SYNPR: variants seen among roughly 807,000 people sequenced by gnomAD.
The protein encoded by SYNPR is synaptoporin.
In SYNPR, 23 loss-of-function variants were observed where a neutral mutation model predicts 32.9. The observed-to-expected ratio is 0.70, with a 90% confidence interval of 0.50 to 0.99. The LOEUF (loss-of-function observed/expected upper bound fraction) is 0.99. SYNPR is among the 50% of genes least tolerant of loss of function. SYNPR has a pLI of 0.00. For synonymous variants in SYNPR, 146 were observed against 135.9 expected, an observed-to-expected ratio of 1.07 and a Z score of -0.52; for missense variants, 318 against 349.3, an observed-to-expected ratio of 0.91 and a Z score of 0.71.
At chr3:63,452,181 A>G (rs1176968285) in intron 2 of SYNPR, 1 of 684,678 alleles carries the variant, frequency 1.5e-6, no homozygotes, top group Non-Finnish European at 2.7e-6. Context: ...TGTGCATTCT[A>G]TGTAATACTG....
chr3:63,608,156 C>T (rs1404148296), intron 4 of SYNPR, among the ~76,000 whole-genome samples: 1 of 152,082 alleles, frequency 6.6e-6, no homozygotes, highest in Non-Finnish European at 1.5e-5. Flanking sequence ...GACAGTCTCT[C>T]CTGCCTGCCA....
chr3:63,441,701 G>A (rs551582961), intron 2 of SYNPR, among the ~76,000 whole-genome samples: 1 of 152,318 alleles, frequency 6.6e-6, no homozygotes, highest in East Asian at 1.9e-4. Context: ...GGAGTGGGGA[G>A]GAAAAGGTTC....
intron 4 of SYNPR, among the ~76,000 whole-genome samples, chr3:63,583,678 G>A (rs1703132233): frequency 6.6e-6 from 1 of 152,030 alleles, no homozygotes; most frequent in Non-Finnish European, 1.5e-5. Context: ...TAATGTAGGC[G>A]GAGATGAGTT....
At position 63,609,276 on chromosome 3, in the gene SYNPR, C is replaced by T. The variant is rs778006944; in HGVS notation, c.560C>T (p.Ala187Val). ...ACKQPSNKCM[A>V]IHSPVMSSLN... Reference sequence around the variant, plus strand: ...AAACAGCCATCCAACAAATGCATGGCTATCCACAGCCCTGTTATGTCAAGC... The same window carrying T: ...AAACAGCCATCCAACAAATGCATGGTTATCCACAGCCCTGTTATGTCAAGC... Residue 187 changes from alanine (A) to valine (V), a missense_variant, in exon 5 of 6, where the codon GCT becomes GTT. By Grantham distance (64) the Ala-to-Val change is moderately conservative. Transcript: ENST00000478300. 3 of 1,601,970 alleles carry T rather than the reference C, an allele frequency of 1.9e-6. No individual in the cohort carries two copies. The highest frequency in any genetic ancestry group is 4.5e-5 in the East Asian group (2 of 44,584).
intron 3 of SYNPR, among the ~76,000 whole-genome samples, chr3:63,539,842 C>T (rs1702268523): frequency 6.6e-6 from 1 of 152,070 alleles, no homozygotes; most frequent in African/African-American, 2.4e-5. Context: ...TGGAACACAC[C>T]CAAGAATCCC....
intron 2 of SYNPR, among the ~76,000 whole-genome samples, chr3:63,365,298 G>T (rs2087717508): frequency 6.6e-6 from 1 of 152,166 alleles, no homozygotes; most frequent in African/African-American, 2.4e-5. Flanking sequence ...CAAACTTGAA[G>T]GTATTTAAGT....
At chr3:63,462,757 T>C (rs577510919) in intron 2 of SYNPR, among the ~76,000 whole-genome samples, 9 of 152,238 alleles carry the variant, frequency 5.9e-5, no homozygotes, top group Admixed American at 5.2e-4. Flanking sequence ...GACTGGAAAA[T>C]TGTTATTTGC....
intron 3 of SYNPR, among the ~76,000 whole-genome samples, chr3:63,270,257 A>T (rs2086523263): frequency 6.6e-6 from 1 of 152,196 alleles, no homozygotes; most frequent in Admixed American, 6.6e-5. Flanking sequence ...ACCAGACATG[A>T]CTTTCATCTT....
At chr3:63,209,680 G>A in the SYNPR span, among the ~76,000 whole-genome samples, 1 of 151,972 alleles carries the variant, frequency 6.6e-6, no homozygotes, top group African/African-American at 2.4e-5. Flanking sequence ...TATTTACCTC[G>A]TTAATTTTTC....
chr3:63,354,843 T>G (rs2087554584), intron 2 of SYNPR, among the ~76,000 whole-genome samples: 1 of 152,234 alleles, frequency 6.6e-6, no homozygotes, highest in Non-Finnish European at 1.5e-5. Context: ...TGCATCTTTA[T>G]AGTAACCACT....
intron 2 of SYNPR, among the ~76,000 whole-genome samples, chr3:63,321,954 C>G (rs1560191641): frequency 1.3e-5 from 2 of 152,180 alleles, no homozygotes; most frequent in East Asian, 3.9e-4. Flanking sequence ...TCAGCTCTTA[C>G]AAGTTTGAAA....
chr3:63,386,878 A>G (rs935856875), intron 2 of SYNPR, among the ~76,000 whole-genome samples: 1 of 152,240 alleles, frequency 6.6e-6, no homozygotes, highest in African/African-American at 2.4e-5. Flanking sequence ...GGCTCAGGTC[A>G]GAGGAAAGCC....
At chr3:63,613,058 G>A (rs1357879447) in intron 5 of SYNPR, among the ~76,000 whole-genome samples, 1 of 151,148 alleles carries the variant, frequency 6.6e-6, no homozygotes, top group Non-Finnish European at 1.5e-5. Flanking sequence ...CTATAACCTG[G>A]AACTCTTGGG....
At chr3:63,499,065 G>A (rs899455160) in intron 3 of SYNPR, among the ~76,000 whole-genome samples, 1 of 151,708 alleles carries the variant, frequency 6.6e-6, no homozygotes, top group African/African-American at 2.4e-5. Flanking sequence ...TTTTTCTGGT[G>A]CAGTGAGGAG....
intron 2 of SYNPR, among the ~76,000 whole-genome samples, chr3:63,414,826 A>C (rs1179826842): frequency 6.6e-6 from 1 of 152,210 alleles, no homozygotes; most frequent in Non-Finnish European, 1.5e-5. Flanking sequence ...CAATGTGTTT[A>C]TGCTGAAGTC....
chr3:63,232,975 A>G (rs541641963), intron 1 of SYNPR, among the ~76,000 whole-genome samples: 17 of 152,296 alleles, frequency 1.1e-4, no homozygotes, highest in Middle Eastern at 6.8e-3. Context: ...TTGATATGCT[A>G]CCCTCTAGTG....
chr3:63,451,785 A>G (rs1205416770), intron 2 of SYNPR, among the ~76,000 whole-genome samples: 2 of 152,124 alleles, frequency 1.3e-5, no homozygotes, highest in Non-Finnish European at 2.9e-5. Flanking sequence ...ATTAGCCCCC[A>G]CTATAGGATA....
At chr3:63,570,838 C>A (rs2106846456) in intron 4 of SYNPR, among the ~76,000 whole-genome samples, 1 of 152,246 alleles carries the variant, frequency 6.6e-6, no homozygotes, top group South Asian at 2.1e-4. Flanking sequence ...AGCTATTGTC[C>A]CCTAAAGGCA....
intron 3 of SYNPR, among the ~76,000 whole-genome samples, chr3:63,540,264 A>G (rs1702275387): frequency 6.6e-6 from 1 of 152,158 alleles, no homozygotes; most frequent in African/African-American, 2.4e-5. Context: ...ACAGTATATT[A>G]AAGATTGTGT....
Sources: gnomAD v4.1 joint callset for allele counts (sites outside exome capture counted in the v4.1 genomes callset) on GRCh38, gnomAD v4.1.1 for gene constraint, MANE v1.5 for transcripts, NCBI Gene and HGNC (gene_info 2026-07-23, HGNC 2026-07-21) for gene names.